PLXNC1: variants seen among roughly 807,000 people sequenced by gnomAD.
The protein encoded by PLXNC1 is plexin C1.
In PLXNC1, 75 loss-of-function variants were observed where a neutral mutation model predicts 178.2. That is an observed-to-expected ratio of 0.42 (90% CI 0.35 to 0.51). PLXNC1 has a LOEUF of 0.51. Among genes scored for constraint, PLXNC1 ranks in the 20% least tolerant of loss-of-function variants. The probability of loss-of-function intolerance (pLI) is 0.02; values close to 1 mark genes in which losing one functional copy is unlikely to be tolerated. For synonymous variants in PLXNC1, 790 were observed against 779.9 expected (o/e 1.01, Z -0.22); for missense variants, 1,503 against 1,984.4 (o/e 0.76, Z 4.61).
intron 28 of PLXNC1, among the ~76,000 whole-genome samples, chr12:94,301,722 G>A (rs1393251463): frequency 1.3e-5 from 2 of 150,204 alleles, no homozygotes; most frequent in Non-Finnish European, 2.9e-5. Context: ...TGGAATGAAT[G>A]GAGACTGATG....
At chr12:94,279,864 G>T in intron 22 of PLXNC1, 6 of 689,638 alleles carry the variant, frequency 8.7e-6, no homozygotes, top group Non-Finnish European at 1.1e-5. Context: ...GTCCTTCAAA[G>T]ATGGCGTTTG....
intron 13 of PLXNC1, 54 bp downstream of exon 13, chr12:94,248,160 GGT>G: frequency 6.3e-7 from 1 of 1,598,742 alleles, no homozygotes; most frequent in Non-Finnish European, 8.6e-7. Flanking sequence ...TGACTGGAAA[GGT>G]GTGTTTATGC....
At chr12:94,241,686 C>T (rs564656821) in intron 11 of PLXNC1, among the ~76,000 whole-genome samples, 25 of 152,296 alleles carry the variant, frequency 1.6e-4, no homozygotes, top group African/African-American at 5.8e-4. Context: ...TTGCAAATGA[C>T]AGGATCTCAT....
intron 1 of PLXNC1, among the ~76,000 whole-genome samples, chr12:94,165,529 G>A (rs1565788584): frequency 1.3e-5 from 2 of 152,188 alleles, no homozygotes; most frequent in Admixed American, 6.5e-5. Context: ...GCTGGTGAGA[G>A]GAACAAGCAT....
In PLXNC1 at chr12:94,254,894, C is replaced by T; in HGVS notation, c.2983+6C>T. ...CCGGAAAGAGATACGTGACGGTAGG[C>T]TCCAAAATTGTGTTTGTAGAAAAAC... On this transcript the variant is annotated splice_donor_region_variant and intron_variant, in intron 16 of 30. Coordinates refer to ENST00000258526, the MANE Select transcript of PLXNC1 (RefSeq NM_005761.3). The T allele has an allele frequency of 6.2e-7, 1 of 1,600,990 alleles. No homozygotes were observed. The highest frequency in any genetic ancestry group is 8.5e-7 in the Non-Finnish European group (1 of 1,171,738).
rs191788332 is a variant in PLXNC1 at position 94,235,789 on chromosome 12, A to T, written c.1981-1875A>T. Among the ~76,000 whole-genome samples, 28 of 152,302 alleles carry T rather than the reference A, an allele frequency of 1.8e-4. No homozygotes were observed. The East Asian group carries it at 5.0e-3, about 27-fold the overall frequency. On this transcript the variant is annotated intron_variant, in intron 9 of 30. Coordinates refer to ENST00000258526, the MANE Select transcript of PLXNC1 (RefSeq NM_005761.3). ...GTGTTTTTATATGTCATGAAATATT[A>T]TTCTTCTTTTGACATTTTGTCATGG...
At chr12:94,262,590 G>T (rs1965025301) in intron 20 of PLXNC1, 14 of 985,524 alleles carry the variant, frequency 1.4e-5, no homozygotes, top group Non-Finnish European at 1.3e-5. Context: ...CCAGGAGGAA[G>T]TGGCATCCAG....
In PLXNC1 at chr12:94,260,981, A is replaced by T; in HGVS notation, c.3450+141A>T. The stretch of plus-strand genomic sequence containing the variant: ...CCATGTTTCGTCTTGGTCCTGACCC[A>T]GAACAGAGAGAGGGAAAGTAAACAT... On this transcript the variant is annotated intron_variant, in intron 20 of 30. Coordinates refer to ENST00000258526, the MANE Select transcript of PLXNC1 (RefSeq NM_005761.3). This position sits in a 1 kb window ranked among gnomAD's most constrained non-coding sequence, Gnocchi z 4.4. 1 of 711,448 alleles carries T rather than the reference A, an allele frequency of 1.4e-6. No homozygotes were observed. The highest frequency in any genetic ancestry group is 2.4e-6 in the Non-Finnish European group (1 of 412,636). The allele number at this position is 711,448 out of a possible 1,614,324, so 44.1% of individuals were successfully genotyped here.
intron 16 of PLXNC1, 92 bp from the exon 17 acceptor site, chr12:94,255,101 C>A: frequency 9.2e-7 from 1 of 1,083,498 alleles, no homozygotes; most frequent in South Asian, 1.3e-5. Flanking sequence ...TTAATGAAAA[C>A]CAAGGTCATA....
chr12:94,172,158 A>G (rs1961868840), intron 2 of PLXNC1, among the ~76,000 whole-genome samples: 1 of 152,242 alleles, frequency 6.6e-6, no homozygotes, highest in Non-Finnish European at 1.5e-5. Context: ...CTTAAGCCAC[A>G]GCGTGGGGGA....
At chr12:94,233,340 A>G (rs1964160401) in intron 9 of PLXNC1, among the ~76,000 whole-genome samples, 1 of 152,162 alleles carries the variant, frequency 6.6e-6, no homozygotes, top group South Asian at 2.1e-4. Context: ...CTGGGTTTAA[A>G]TTAGAATCAG....
chr12:94,180,329 C>T (rs1286102261), intron 2 of PLXNC1, among the ~76,000 whole-genome samples: 2 of 152,182 alleles, frequency 1.3e-5, no homozygotes, highest in Non-Finnish European at 2.9e-5. Flanking sequence ...ATGAAAATAA[C>T]TCATCTCCTG....
chr12:94,177,059 G>A (rs908156356), intron 2 of PLXNC1, among the ~76,000 whole-genome samples: 1 of 116,238 alleles, frequency 8.6e-6, no homozygotes. Context: ...ATATATGTGT[G>A]TGTGTGTGTG....
intron 14 of PLXNC1, among the ~76,000 whole-genome samples, 193 bp downstream of exon 14, chr12:94,248,605 G>A (rs1964594909): frequency 6.6e-6 from 1 of 152,210 alleles, no homozygotes. Context: ...CCCTGTGCCT[G>A]TTCGAACGTC....
At chr12:94,278,546 A>G (rs1966164232) in intron 21 of PLXNC1, among the ~76,000 whole-genome samples, 1 of 152,240 alleles carries the variant, frequency 6.6e-6, no homozygotes, top group Admixed American at 6.5e-5. Context: ...CAAAATGTTA[A>G]GTAATGGTGC....
chr12:94,214,852 C>T (rs190072733), intron 5 of PLXNC1, among the ~76,000 whole-genome samples: 104 of 151,966 alleles, frequency 6.8e-4, no homozygotes, highest in Middle Eastern at 6.8e-3. Context: ...TAGCTTAAGC[C>T]GTTCTTTGTA....
intron 2 of PLXNC1, among the ~76,000 whole-genome samples, chr12:94,181,235 T>TA (rs1166730221): frequency 1.3e-5 from 2 of 151,384 alleles, no homozygotes; most frequent in Non-Finnish European, 2.9e-5. Flanking sequence ...CCATCTCTAC[T>TA]AAAAAAAATT....
chr12:94,233,299 G>A (rs1033307210), intron 9 of PLXNC1, among the ~76,000 whole-genome samples: 2 of 152,154 alleles, frequency 1.3e-5, no homozygotes, highest in Non-Finnish European at 1.5e-5. Context: ...TGCATGAGTC[G>A]AATCTTGGCC....
At chr12:94,259,248 T>C in intron 17 of PLXNC1, 89 bp from the exon 18 acceptor site, 1 of 953,574 alleles carries the variant, frequency 1.0e-6, no homozygotes, top group Non-Finnish European at 1.6e-6. Context: ...GTCTCTACTT[T>C]ATTAAAACGG....
Sources: gnomAD v4.1 joint callset for allele counts (sites outside exome capture counted in the v4.1 genomes callset) on GRCh38, gnomAD v4.1.1 for gene constraint, Gnocchi (gnomAD v3.1) non-coding constraint, MANE v1.5 for transcripts, NCBI Gene and HGNC (gene_info 2026-07-23, HGNC 2026-07-21) for gene names.